RBFOX1: variants seen among roughly 807,000 people sequenced by gnomAD.
The protein encoded by RBFOX1 is RNA binding protein fox-1 homolog 1.
A neutral mutation model predicts 57.7 loss-of-function variants in RBFOX1; 8 were observed. The observed-to-expected ratio is 0.14, with a 90% CI of 0.08 to 0.25. RBFOX1 has a LOEUF of 0.25. Among genes scored for constraint, RBFOX1 ranks in the 10% least tolerant of loss-of-function variants. The pLI is 1.00. For missense variants in RBFOX1, 611 were observed against 548.5 expected (o/e 1.11, Z -1.14); for synonymous variants, 326 against 222.4 (o/e 1.47, Z -4.15).
chr16:5,413,950 C>G (rs1295935896), intron 1 of RBFOX1, among the ~76,000 whole-genome samples: 1 of 152,082 alleles, frequency 6.6e-6, no homozygotes, highest in East Asian at 1.9e-4. Flanking sequence ...GAATCAAATC[C>G]CTTTTGGTTG....
intron 2 of RBFOX1, among the ~76,000 whole-genome samples, chr16:6,636,959 G>C (rs1422129345): frequency 4.1e-5 from 5 of 122,240 alleles, no homozygotes; most frequent in African/African-American, 1.3e-4. Flanking sequence ...CATAAAATAT[G>C]TATATTATGT....
At position 6,918,106 on chromosome 16, in the gene RBFOX1, G is replaced by A. The variant is rs112974373; in HGVS notation, c.-15-133951G>A. Among the ~76,000 whole-genome samples, 248 of 152,216 alleles carry A rather than the reference G, an allele frequency of 1.6e-3. 1 individual carries two copies. Among genetic ancestry groups the A allele is most frequent in the African/African-American group, 5.5e-3 (230 of 41,522 alleles). On this transcript the variant is annotated intron_variant, in intron 3 of 15. Coordinates refer to ENST00000550418, the MANE Select transcript of RBFOX1 (RefSeq NM_018723.4). ...GTTCGAGACCAGCCTGGACAACATG[G>A]TGAAACCCCTGTCTCTACTAAAAAT...
At chr16:6,559,948 A>C (rs1327037784) in intron 2 of RBFOX1, among the ~76,000 whole-genome samples, 1 of 152,094 alleles carries the variant, frequency 6.6e-6, no homozygotes, top group Non-Finnish European at 1.5e-5. Context: ...AGAAAGACTG[A>C]TGTTTTCCAA....
chr16:7,029,024 G>A (rs1419434132), intron 3 of RBFOX1, among the ~76,000 whole-genome samples: 5 of 98,906 alleles, frequency 5.1e-5, no homozygotes, highest in Non-Finnish European at 9.8e-5. Context: ...GTAATGCTAA[G>A]CATAAAACAG....
chr16:6,825,190 G>A (rs896588549), intron 3 of RBFOX1, among the ~76,000 whole-genome samples: 3 of 149,874 alleles, frequency 2.0e-5, no homozygotes, highest in African/African-American at 7.4e-5. Context: ...TTTCTTGTGG[G>A]GGGGCTGACG....
intron 3 of RBFOX1, among the ~76,000 whole-genome samples, chr16:6,875,828 A>AG: frequency 6.6e-6 from 1 of 151,870 alleles, no homozygotes; most frequent in Non-Finnish European, 1.5e-5. Flanking sequence ...AACATGGTGA[A>AG]ACCTCATCTC....
chr16:6,027,354 G>C (rs73522151), intron 1 of RBFOX1, among the ~76,000 whole-genome samples: 16,139 of 152,164 alleles, frequency 0.11, 1,939 homozygotes, highest in African/African-American at 0.29. Flanking sequence ...GCTGTGTGTG[G>C]AGAGGGCATG....
intron 4 of RBFOX1, among the ~76,000 whole-genome samples, chr16:7,200,576 G>A (rs1207845604): frequency 6.6e-6 from 1 of 152,194 alleles, no homozygotes; most frequent in Non-Finnish European, 1.5e-5. Context: ...ATTCAAGAAG[G>A]AGTTGTGACA....
In RBFOX1 at chr16:5,740,787, A is replaced by G. The variant is rs148436893; in HGVS notation, c.319-126516A>G. Among the ~76,000 whole-genome samples the G allele has an allele frequency of 4.4e-3, 666 of 152,220 alleles. 6 individuals are homozygous for G. The highest frequency in any genetic ancestry group is 0.015 in the African/African-American group (626 of 41,522). On this transcript the variant is annotated intron_variant, in intron 3 of 19. Coordinates refer to the RBFOX1 transcript ENST00000641259. ...TCAAGGTGAAGTCCAGCAGAAAAGA[A>G]TGTTTCTTTTACTGTCCCCATAGTT...
chr16:7,588,947 C>A (rs11647105), intron 7 of RBFOX1, among the ~76,000 whole-genome samples: 128,647 of 152,152 alleles, frequency 0.85, 54,875 homozygotes, highest in Admixed American at 0.9. Context: ...AACAGAATCC[C>A]TTACACTTTG....
chr16:6,264,557 A>G, intron 1 of RBFOX1, among the ~76,000 whole-genome samples: 1 of 152,096 alleles, frequency 6.6e-6, no homozygotes, highest in Middle Eastern at 3.2e-3. Flanking sequence ...CACTACAGCC[A>G]CAGGGCCCTT....
intron 3 of RBFOX1, among the ~76,000 whole-genome samples, chr16:5,749,134 T>C (rs1213280196): frequency 6.6e-6 from 1 of 152,186 alleles, no homozygotes; most frequent in Non-Finnish European, 1.5e-5. Context: ...TTATGAAGCT[T>C]AGTTTTGCTG....
chr16:7,522,125 G>A (rs1207396090), intron 5 of RBFOX1, among the ~76,000 whole-genome samples: 15 of 152,192 alleles, frequency 9.9e-5, no homozygotes, highest in Non-Finnish European at 7.3e-5. Flanking sequence ...TACATGGAAT[G>A]AAGACCATTT....
chr16:6,177,812 C>T (rs778927550), intron 1 of RBFOX1, among the ~76,000 whole-genome samples: 11 of 151,104 alleles, frequency 7.3e-5, no homozygotes, highest in Non-Finnish European at 1.5e-4. Flanking sequence ...TGCTCACAGG[C>T]AAAATTGATT....
At chr16:6,828,647 A>AC (rs1473640340) in intron 3 of RBFOX1, among the ~76,000 whole-genome samples, 2 of 152,102 alleles carry the variant, frequency 1.3e-5, no homozygotes, top group Non-Finnish European at 2.9e-5. Flanking sequence ...GCTGAATTTG[A>AC]CCTAGGATTC....
chr16:5,423,076 AAGG>A (rs1369802433), intron 1 of RBFOX1, among the ~76,000 whole-genome samples: 1 of 95,506 alleles, frequency 1.0e-5, no homozygotes, highest in Non-Finnish European at 2.1e-5. Flanking sequence ...GAGGAGGAGG[AAGG>A]AGAGGGAGGA....
At chr16:7,597,324 G>C (rs752772975) in intron 8 of RBFOX1, 47 bp from the exon 9 acceptor site, 13 of 1,407,970 alleles carry the variant, frequency 9.2e-6, no homozygotes, top group Non-Finnish European at 1.3e-5. Context: ...ATTGAATTGG[G>C]AGCTGGCCCT....
chr16:6,424,605 C>CTGTGTGCGTGTGTGCGTG (rs2093870020), intron 2 of RBFOX1, among the ~76,000 whole-genome samples: 2 of 14,270 alleles, frequency 1.4e-4, no homozygotes, highest in Non-Finnish European at 3.3e-4. Flanking sequence ...CTTAAGAGCA[C>CTGTGTGCGTGTGTGCGTG]TGTGTGTGTG....
intron 3 of RBFOX1, among the ~76,000 whole-genome samples, chr16:5,710,835 T>C (rs1399065855): frequency 6.6e-6 from 1 of 152,216 alleles, no homozygotes; most frequent in Non-Finnish European, 1.5e-5. Context: ...GGGCAAGAGC[T>C]GTTGTGGCTC....
Sources: allele counts gnomAD v4.1 joint callset (sites outside exome capture counted in the v4.1 genomes callset), GRCh38; gene constraint gnomAD v4.1.1; transcripts MANE v1.5; gene names NCBI Gene and HGNC (gene_info 2026-07-23, HGNC 2026-07-21).